The following ANO10 variants were observed in gnomAD, a reference collection of about 807,000 sequenced individuals.
The protein encoded by ANO10 is anoctamin-10.
Under a neutral mutation model 74.7 loss-of-function variants are expected in ANO10, and 77 were observed. That is an observed-to-expected ratio of 1.03 (90% confidence interval 0.86 to 1.25). The LOEUF (loss-of-function observed/expected upper bound fraction) is 1.25, where lower values mean the gene tolerates loss of function less well. Among genes scored for constraint, ANO10 ranks in the 50% most tolerant of loss-of-function variants. ANO10 has a pLI of 0.00. For synonymous variants in ANO10, 279 were observed against 284.9 expected (o/e 0.98, Z 0.21); for missense variants, 721 against 778.1 (o/e 0.93, Z 0.87).
intron 2 of ANO10, among the ~76,000 whole-genome samples, chr3:43,603,517 G>A (rs573287943): frequency 2.6e-5 from 4 of 151,578 alleles, no homozygotes; most frequent in East Asian, 3.9e-4. Context: ...ATATCTTTTC[G>A]TAACTCTGAG....
At chr3:43,495,192 T>C (rs2076870612) in intron 11 of ANO10, among the ~76,000 whole-genome samples, 1 of 151,806 alleles carries the variant, frequency 6.6e-6, no homozygotes, top group African/African-American at 2.4e-5. Flanking sequence ...AAATATGAAG[T>C]TGGACTCCTA....
intron 1 of ANO10, chr3:43,691,452 T>A (rs2084381780): frequency 1.3e-5 from 2 of 158,028 alleles, no homozygotes; most frequent in African/African-American, 2.4e-5. Context: ...TGCACCTGAC[T>A]GCGAGGCGCG....
chr3:43,535,087 C>T (rs1252340445), intron 11 of ANO10, among the ~76,000 whole-genome samples: 1 of 151,620 alleles, frequency 6.6e-6, no homozygotes, highest in East Asian at 1.9e-4. Flanking sequence ...GATTCTTGTG[C>T]CTCAGCCTCT....
chr3:43,457,684 C>A (rs1437027667), intron 11 of ANO10, among the ~76,000 whole-genome samples: 1 of 152,178 alleles, frequency 6.6e-6, no homozygotes, highest in African/African-American at 2.4e-5. Context: ...CTTTAGAATA[C>A]ATGTATGTTT....
At chr3:43,533,292 C>A (rs1050876339) in intron 11 of ANO10, among the ~76,000 whole-genome samples, 5 of 152,166 alleles carry the variant, frequency 3.3e-5, no homozygotes, top group African/African-American at 4.8e-5. Flanking sequence ...ATCACTGAGG[C>A]TAAGCCATGC....
At chr3:43,498,780 C>A (rs2077000186) in intron 11 of ANO10, among the ~76,000 whole-genome samples, 1 of 152,124 alleles carries the variant, frequency 6.6e-6, no homozygotes, top group South Asian at 2.1e-4. Flanking sequence ...ATGGGACTGT[C>A]CTTTTCAGCA....
intron 1 of ANO10, among the ~76,000 whole-genome samples, chr3:43,658,761 C>T (rs1293937954): frequency 6.6e-6 from 1 of 152,144 alleles, no homozygotes; most frequent in Non-Finnish European, 1.5e-5. Context: ...AGCCACCACA[C>T]CCAGCCAGTT....
At chr3:43,677,870 G>A (rs2084143268) in intron 1 of ANO10, among the ~76,000 whole-genome samples, 1 of 152,212 alleles carries the variant, frequency 6.6e-6, no homozygotes, top group African/African-American at 2.4e-5. Context: ...TTCAGCATTG[G>A]AAATGACACA....
intron 1 of ANO10, chr3:43,690,295 T>A (rs2084339487): frequency 6.6e-6 from 1 of 152,248 alleles, no homozygotes; most frequent in African/African-American, 2.4e-5. Context: ...CCTCAGAAAA[T>A]CCGCCCGCCT....
chr3:43,574,576 TG>T (rs1241463866), intron 7 of ANO10, among the ~76,000 whole-genome samples: 7 of 152,182 alleles, frequency 4.6e-5, no homozygotes, highest in African/African-American at 1.4e-4. Flanking sequence ...TTTAAATAAC[TG>T]GAAATTGGCT....
intron 12 of ANO10, among the ~76,000 whole-genome samples, chr3:43,413,160 T>C (rs1359794680): frequency 2.0e-5 from 3 of 152,114 alleles, no homozygotes; most frequent in East Asian, 3.9e-4. Flanking sequence ...CTCATCCTAC[T>C]TTTTACTTCT....
At chr3:43,622,649 C>A (rs1179188558), upstream of ANO10, among the ~76,000 whole-genome samples, 1 of 152,182 alleles carries the variant, frequency 6.6e-6, no homozygotes, top group East Asian at 1.9e-4. Context: ...CACCTCCAGG[C>A]TCAGAGTCTG....
chr3:43,569,107 A>G (rs1180170490), intron 7 of ANO10, among the ~76,000 whole-genome samples: 2 of 148,752 alleles, frequency 1.3e-5, no homozygotes, highest in Non-Finnish European at 3.0e-5. Context: ...AAATTCCTCG[A>G]CACATACACT....
chr3:43,574,760 G>T, intron 7 of ANO10, 49 bp downstream of exon 7: 2 of 1,331,290 alleles, frequency 1.5e-6, no homozygotes, highest in Non-Finnish European at 2.2e-6. Flanking sequence ...ATATTATGTA[G>T]TATATACCAG....
intron 11 of ANO10, among the ~76,000 whole-genome samples, chr3:43,504,067 A>G (rs974705256): frequency 2.6e-5 from 4 of 152,068 alleles, no homozygotes; most frequent in African/African-American, 4.8e-5. Context: ...CCAGGAGTTC[A>G]AGACGAGCCT....
chr3:43,595,425 G>T (rs1341521757), intron 4 of ANO10, among the ~76,000 whole-genome samples: 1 of 152,142 alleles, frequency 6.6e-6, no homozygotes, highest in African/African-American at 2.4e-5. Flanking sequence ...ATGATCAAGT[G>T]GGCTTCATCC....
intron 1 of ANO10, chr3:43,618,216 G>C (rs887128047): frequency 6.6e-6 from 1 of 152,244 alleles, no homozygotes; most frequent in Non-Finnish European, 1.5e-5. Context: ...ACTCCCTGAG[G>C]GAACTCCATG....
intron 12 of ANO10, among the ~76,000 whole-genome samples, chr3:43,397,933 G>C (rs1159658975): frequency 6.6e-6 from 1 of 152,214 alleles, no homozygotes; most frequent in African/African-American, 2.4e-5. Context: ...GTCTGTTTTG[G>C]GGGGTTCTTT....
At chr3:43,407,961 G>A (rs1028872717) in intron 12 of ANO10, among the ~76,000 whole-genome samples, 2 of 152,178 alleles carry the variant, frequency 1.3e-5, no homozygotes, top group Admixed American at 1.3e-4. Context: ...AAAAAATTTT[G>A]AGCAGGACCA....
Sources: allele counts gnomAD v4.1 joint callset (sites outside exome capture counted in the v4.1 genomes callset), GRCh38; gene constraint gnomAD v4.1.1; transcripts MANE v1.5; gene names NCBI Gene and HGNC (gene_info 2026-07-23, HGNC 2026-07-21).